The following ZFHX3 variants were observed in gnomAD, a reference collection of about 807,000 sequenced individuals.
ZFHX3 encodes the protein zinc finger homeobox protein 3.
A neutral mutation model predicts 279.1 loss-of-function variants in ZFHX3; 42 were observed. The observed-to-expected ratio is 0.15, with a 90% CI of 0.12 to 0.19. The LOEUF (loss-of-function observed/expected upper bound fraction) is 0.19, where lower values mean the gene tolerates loss of function less well. Ranked by LOEUF, ZFHX3 falls within the 10% of genes least tolerant of loss-of-function variation. The pLI is 1.00. For missense variants in ZFHX3, 4,981 were observed against 4,754.0 expected, an observed-to-expected ratio of 1.05 and a Z score of -1.40; for synonymous variants, 2,293 against 1,957.8, an observed-to-expected ratio of 1.17 and a Z score of -4.52.
upstream of ZFHX3, among the ~76,000 whole-genome samples, chr16:73,052,673 AG>A (rs1467700657): frequency 6.6e-6 from 1 of 152,216 alleles, no homozygotes. Context: ...GTCTCTCTGC[AG>A]ACAAATAGAA....
upstream of ZFHX3, among the ~76,000 whole-genome samples, chr16:73,064,508 CT>C (rs959939722): frequency 2.7e-3 from 397 of 144,884 alleles, 1 homozygote; most frequent in Non-Finnish European, 4.1e-3. Flanking sequence ...GGGAACAAGC[CT>C]TTTTTTTTTT....
At chr16:73,475,930 C>A (rs1431833292) in intron 2 of ZFHX3, among the ~76,000 whole-genome samples, 2 of 151,994 alleles carry the variant, frequency 1.3e-5, no homozygotes, top group Admixed American at 6.5e-5. Context: ...CATTTCATTC[C>A]ATTGAATAAA....
chr16:73,625,946 C>T (rs1164088491), intron 2 of ZFHX3, among the ~76,000 whole-genome samples: 1 of 152,190 alleles, frequency 6.6e-6, no homozygotes, highest in Admixed American at 6.5e-5. Context: ...CAAGCTCCGC[C>T]TCCCGGGTTC....
chr16:72,985,933 C>G (rs1383511324), intron 1 of ZFHX3, among the ~76,000 whole-genome samples: 1 of 152,140 alleles, frequency 6.6e-6, no homozygotes, highest in African/African-American at 2.4e-5. Context: ...GATGATAAAA[C>G]TGTTTATTAT....
At chr16:73,582,985 A>G (rs2051877613) in intron 2 of ZFHX3, among the ~76,000 whole-genome samples, 2 of 152,228 alleles carry the variant, frequency 1.3e-5, no homozygotes, top group South Asian at 4.1e-4. Context: ...TGACTAATCT[A>G]AACATAAAAG....
intron 3 of ZFHX3, among the ~76,000 whole-genome samples, chr16:73,454,188 G>T (rs1369404138): frequency 6.6e-6 from 1 of 152,118 alleles, no homozygotes; most frequent in Non-Finnish European, 1.5e-5. Context: ...GTTTTGGGAT[G>T]GTGTGCATGG....
At chr16:73,397,472 T>A (rs977782138) in intron 3 of ZFHX3, among the ~76,000 whole-genome samples, 1 of 151,816 alleles carries the variant, frequency 6.6e-6, no homozygotes, top group African/African-American at 2.4e-5. Context: ...TAGGCATGGG[T>A]GTGTAGAGAG....
intron 2 of ZFHX3, among the ~76,000 whole-genome samples, chr16:73,478,343 A>C (rs1286684479): frequency 6.6e-6 from 1 of 151,770 alleles, no homozygotes; most frequent in East Asian, 1.9e-4. Context: ...TGAACCCTGG[A>C]CCCTCAGATT....
rs1961402240 is a variant in ZFHX3 at position 72,958,824 on chromosome 16, CCTT to C, written c.1319_1321del (p.Glu440del). 6 of 1,614,140 alleles carry C rather than the reference CCTT, an allele frequency of 3.7e-6. No individual in the cohort carries two copies. The highest frequency in any genetic ancestry group is 2.2e-5 in the South Asian group (2 of 91,074). On this transcript the variant is annotated inframe_deletion, in exon 2 of 10. Transcript: ENST00000268489. ...CCCGTCGCCCACTTCCTGCTTCTCTCCTTCTGCCGCCCCAGAGTCCTTGCCCTC... is the reference window on the plus strand; with the variant it reads ...CCCGTCGCCCACTTCCTGCTTCTCTCCTGCCGCCCCAGAGTCCTTGCCCTC...
intron 1 of ZFHX3, among the ~76,000 whole-genome samples, chr16:73,054,178 A>C (rs904661230): frequency 3.9e-5 from 6 of 152,324 alleles, no homozygotes; most frequent in East Asian, 1.9e-4. Flanking sequence ...CGTTTCACTT[A>C]ATACAAGGCC....
rs553103168 is a variant in ZFHX3, at chr16:73,588,084, A to G, written c.-1547+92096T>C. Reference sequence around the variant, plus strand: ...CTGAATACATGCAGTTAAACTAAAAATCAACAACGTAAGGTAACTAGGGAA... The same window carrying G: ...CTGAATACATGCAGTTAAACTAAAAGTCAACAACGTAAGGTAACTAGGGAA... On this transcript the variant is annotated intron_variant, in intron 2 of 17. Transcript: ENST00000641206. 2.8e-4 allele frequency among the ~76,000 whole-genome samples: 42 copies of G among 148,318 alleles called. No homozygotes were observed. The East Asian group carries it at 7.9e-3, about 28-fold the overall frequency.
intron 2 of ZFHX3, among the ~76,000 whole-genome samples, chr16:73,534,344 G>A (rs931301263): frequency 6.6e-6 from 1 of 152,080 alleles, no homozygotes; most frequent in Non-Finnish European, 1.5e-5. Context: ...TCCTCTCAAT[G>A]AGTTCTACCC....
chr16:72,965,788 C>T (rs755211681), intron 1 of ZFHX3, among the ~76,000 whole-genome samples: 1 of 152,234 alleles, frequency 6.6e-6, no homozygotes, highest in Middle Eastern at 3.4e-3. Context: ...AAAGCATATA[C>T]TGTAAGTTCT....
chr16:73,394,239 G>GTT (rs67840840), intron 3 of ZFHX3, among the ~76,000 whole-genome samples: 28 of 136,270 alleles, frequency 2.1e-4, no homozygotes, highest in South Asian at 7.1e-4. Flanking sequence ...TTTGTTTTCT[G>GTT]TTTTTTTTTT....
intron 1 of ZFHX3, among the ~76,000 whole-genome samples, chr16:73,888,302 C>G (rs1417288081): frequency 6.6e-6 from 1 of 151,628 alleles, no homozygotes; most frequent in Non-Finnish European, 1.5e-5. Flanking sequence ...TTTTCCCTCC[C>G]CTTCCCCCCA....
At chr16:73,364,976 T>A (rs1302402855) in intron 3 of ZFHX3, among the ~76,000 whole-genome samples, 4 of 152,158 alleles carry the variant, frequency 2.6e-5, no homozygotes, top group Non-Finnish European at 4.4e-5. Flanking sequence ...CCCTCCTTTT[T>A]CATTATCGGC....
intron 3 of ZFHX3, among the ~76,000 whole-genome samples, chr16:72,928,141 GAGA>G (rs1959567061): frequency 5.3e-5 from 3 of 56,884 alleles, no homozygotes; most frequent in South Asian, 1.5e-3. Flanking sequence ...AGGGGGAGGG[GAGA>G]GAGGGAGGGG....
At chr16:73,147,517 C>G (rs1225015303) in intron 5 of ZFHX3, among the ~76,000 whole-genome samples, 1 of 150,842 alleles carries the variant, frequency 6.6e-6, no homozygotes, top group Non-Finnish European at 1.5e-5. Flanking sequence ...ACGGTGAAAC[C>G]CCGTCTCTAC....
At chr16:73,841,106 T>C (rs1482524653) in intron 1 of ZFHX3, among the ~76,000 whole-genome samples, 2 of 152,162 alleles carry the variant, frequency 1.3e-5, no homozygotes, top group East Asian at 3.9e-4. Flanking sequence ...GAGAAAAGTC[T>C]TCCTTCTCAC....
Sources: gnomAD v4.1 joint callset for allele counts (sites outside exome capture counted in the v4.1 genomes callset) on GRCh38, gnomAD v4.1.1 for gene constraint, MANE v1.5 for transcripts, NCBI Gene and HGNC (gene_info 2026-07-23, HGNC 2026-07-21) for gene names.